Variants in RBMS3 observed in about 807,000 individuals in gnomAD.
RBMS3 encodes RNA binding motif single stranded interacting protein 3.
A neutral mutation model predicts 66.8 loss-of-function variants in RBMS3; 27 were observed. That is an observed-to-expected ratio of 0.40 (90% CI 0.30 to 0.56). The LOEUF is 0.56. Among genes scored for constraint, RBMS3 ranks in the 20% least tolerant of loss-of-function variants. RBMS3 has a pLI of 0.40. For missense variants in RBMS3, 513 were observed against 549.5 expected, an observed-to-expected ratio of 0.93 and a Z score of 0.66; for synonymous variants, 188 against 183.0, an observed-to-expected ratio of 1.03 and a Z score of -0.22.
intron 10 of RBMS3, chr3:29,933,975 ATTGT>A (rs930751085): frequency 2.0e-5 from 3 of 152,086 alleles, no homozygotes; most frequent in African/African-American, 4.8e-5. Flanking sequence ...ATGAATTTTG[ATTGT>A]TCTGTCACAT....
At chr3:29,903,184 T>G (rs2060297219) in intron 10 of RBMS3, 1 of 150,958 alleles carries the variant, frequency 6.6e-6, no homozygotes, top group Non-Finnish European at 1.5e-5. Context: ...GGATTATAAT[T>G]CTGATGTTTT....
At chr3:29,458,379 A>G (rs2042264205) in intron 2 of RBMS3, among the ~76,000 whole-genome samples, 1 of 152,184 alleles carries the variant, frequency 6.6e-6, no homozygotes, top group Admixed American at 6.5e-5. Context: ...TAAATTAGAT[A>G]GTAATTATAA....
intron 4 of RBMS3, among the ~76,000 whole-genome samples, chr3:29,734,832 C>A (rs1368502756): frequency 1.3e-5 from 2 of 152,050 alleles, no homozygotes; most frequent in Non-Finnish European, 2.9e-5. Context: ...TTGCATTTTG[C>A]ATATCCTTTT....
chr3:29,451,722 T>A (rs2042023593), intron 2 of RBMS3, among the ~76,000 whole-genome samples: 1 of 152,190 alleles, frequency 6.6e-6, no homozygotes, highest in Non-Finnish European at 1.5e-5. Flanking sequence ...AGTGTGCTTA[T>A]TCATTTATGC....
At chr3:29,390,723 A>G (rs1325383580) in intron 1 of RBMS3, 2 of 152,534 alleles carry the variant, frequency 1.3e-5, no homozygotes, top group African/African-American at 4.8e-5. Context: ...CTGATTAGCC[A>G]TTTGAGTTTC....
chr3:30,001,348 T>C (rs1699599196), intron 14 of RBMS3, among the ~76,000 whole-genome samples: 1 of 152,074 alleles, frequency 6.6e-6, no homozygotes, highest in Non-Finnish European at 1.5e-5. Flanking sequence ...TTCCTCCTCC[T>C]CTAAAATAGA....
At chr3:29,776,821 T>C (rs1411501794) in intron 6 of RBMS3, among the ~76,000 whole-genome samples, 8 of 152,014 alleles carry the variant, frequency 5.3e-5, no homozygotes, top group Non-Finnish European at 1.2e-4. Flanking sequence ...CCCTTCCATT[T>C]TGAGCCTTAT....
At chr3:29,500,134 T>A (rs1425850605) in intron 3 of RBMS3, among the ~76,000 whole-genome samples, 1 of 151,248 alleles carries the variant, frequency 6.6e-6, no homozygotes, top group Non-Finnish European at 1.5e-5. Flanking sequence ...AAAAAAATAG[T>A]ATTAAGACAC....
intron 10 of RBMS3, among the ~76,000 whole-genome samples, chr3:29,930,112 T>TCTTTC (rs1553702215): frequency 2.7e-4 from 15 of 54,850 alleles, no homozygotes; most frequent in South Asian, 1.9e-3. Context: ...TTTCTTTCTT[T>TCTTTC]TTTTTTTTTT....
chr3:29,952,427 C>T (rs1695744285), intron 12 of RBMS3, among the ~76,000 whole-genome samples: 1 of 151,814 alleles, frequency 6.6e-6, no homozygotes. Context: ...GTTGGAACAA[C>T]CTAAAATCTT....
intron 4 of RBMS3, chr3:29,730,728 C>T (rs2054094192): frequency 2.7e-6 from 1 of 363,900 alleles, no homozygotes. Flanking sequence ...GATTTGTTTA[C>T]AATATTGAGT....
intron 3 of RBMS3, among the ~76,000 whole-genome samples, chr3:29,560,979 T>C (rs1440003567): frequency 6.6e-6 from 1 of 152,208 alleles, no homozygotes; most frequent in Non-Finnish European, 1.5e-5. Flanking sequence ...TTATAAGTGA[T>C]AACATGCAGT....
chr3:29,620,841 T>C (rs2048842207), intron 4 of RBMS3, among the ~76,000 whole-genome samples: 1 of 152,150 alleles, frequency 6.6e-6, no homozygotes, highest in African/African-American at 2.4e-5. Flanking sequence ...AAAAACGTTA[T>C]CTTTTTAGGG....
intron 1 of RBMS3, among the ~76,000 whole-genome samples, chr3:29,314,975 T>G (rs2034586907): frequency 6.6e-6 from 1 of 151,636 alleles, no homozygotes; most frequent in Non-Finnish European, 1.5e-5. Context: ...ACATTCTAAA[T>G]GACTGTGGCC....
intron 12 of RBMS3, among the ~76,000 whole-genome samples, chr3:29,946,516 A>T (rs1695324557): frequency 1.3e-5 from 2 of 151,768 alleles, no homozygotes; most frequent in Non-Finnish European, 2.9e-5. Context: ...AGCAGAAAAT[A>T]GACCCCTGAT....
intron 4 of RBMS3, among the ~76,000 whole-genome samples, chr3:29,589,557 A>G (rs527722032): frequency 6.6e-6 from 1 of 152,108 alleles, no homozygotes; most frequent in African/African-American, 2.4e-5. Flanking sequence ...CTGTAATTTA[A>G]CTATCTATAA....
chr3:29,286,989 A>C (rs904116019), intron 1 of RBMS3, among the ~76,000 whole-genome samples: 33 of 152,126 alleles, frequency 2.2e-4, no homozygotes, highest in South Asian at 8.3e-4. Context: ...AAATAGTGTA[A>C]TATCAAAAGC....
At chr3:29,373,561 G>T (rs942385462) in intron 1 of RBMS3, among the ~76,000 whole-genome samples, 1 of 152,168 alleles carries the variant, frequency 6.6e-6, no homozygotes, top group Non-Finnish European at 1.5e-5. Flanking sequence ...AAATGATAAT[G>T]ATCAGTTTCT....
chr3:29,595,295 A>G (rs1038445486), intron 4 of RBMS3, among the ~76,000 whole-genome samples: 1 of 150,894 alleles, frequency 6.6e-6, no homozygotes, highest in Admixed American at 6.6e-5. Context: ...GCTACTCGGG[A>G]GGCTGAGGCA....
Sources: allele counts gnomAD v4.1 joint callset (sites outside exome capture counted in the v4.1 genomes callset), GRCh38; gene constraint gnomAD v4.1.1; transcripts MANE v1.5; gene names NCBI Gene and HGNC (gene_info 2026-07-23, HGNC 2026-07-21).